DNAH7: variants seen among roughly 807,000 people sequenced by gnomAD.
The protein encoded by DNAH7 is axonemal beta dynein heavy chain 7.
In DNAH7, 397 loss-of-function variants were observed where a neutral mutation model predicts 444.6. That is an observed-to-expected ratio of 0.89 (90% confidence interval 0.82 to 0.97). The LOEUF is 0.97. Among genes scored for constraint, DNAH7 ranks in the 50% least tolerant of loss-of-function variants. DNAH7 has a pLI of 0.00. For synonymous variants in DNAH7, 1,636 were observed against 1,624.4 expected (o/e 1.01, Z -0.17); for missense variants, 4,902 against 4,800.8 (o/e 1.02, Z -0.62).
intron 21 of DNAH7, 35 bp downstream of exon 21, chr2:195,934,556 A>C: frequency 3.2e-6 from 5 of 1,585,978 alleles, no homozygotes; most frequent in Non-Finnish European, 2.6e-6. Context: ...ATATTCTAGC[A>C]TCCTTTTCTA....
intron 40 of DNAH7, among the ~76,000 whole-genome samples, chr2:195,869,904 C>T (rs1049018796): frequency 6.6e-6 from 1 of 152,174 alleles, no homozygotes; most frequent in African/African-American, 2.4e-5. Context: ...AAGTAGTAAA[C>T]CTCACTAAAT....
chr2:195,892,824 T>TTA (rs1553552187), intron 30 of DNAH7: 8 of 152,104 alleles, frequency 5.3e-5, no homozygotes, highest in Admixed American at 3.9e-4. Context: ...CATTTATTTT[T>TTA]TATATATAAA....
chr2:195,953,735 C>T (rs975370147), intron 19 of DNAH7, among the ~76,000 whole-genome samples: 54 of 152,202 alleles, frequency 3.5e-4, no homozygotes, highest in Non-Finnish European at 2.1e-4. Context: ...GCTTTGTTTA[C>T]ACTGTAAGCC....
intron 58 of DNAH7, among the ~76,000 whole-genome samples, chr2:195,781,292 T>TA: frequency 6.6e-6 from 1 of 152,298 alleles, no homozygotes; most frequent in East Asian, 1.9e-4. Context: ...GTGGATCAGC[T>TA]AGCCCCTGAG....
intron 64 of DNAH7, 80 bp downstream of exon 64, chr2:195,740,686 A>C: frequency 3.0e-6 from 1 of 337,410 alleles, no homozygotes. Flanking sequence ...TATACACACA[A>C]TATGGGGTCT....
In DNAH7 at chr2:195,875,673, A is replaced by G; in HGVS notation, c.6286+2T>C. On this transcript the variant is annotated splice_donor_variant, in intron 38 of 64. Coordinates refer to ENST00000312428, the MANE Select transcript of DNAH7 (RefSeq NM_018897.3). LOFTEE classifies it high-confidence loss of function. ...TAGTAATCACAAACTCAAAAAATGT[A>G]CCTGGAGGTCCCATAGCACACATGA... 1 of 1,556,998 alleles carries G rather than the reference A, an allele frequency of 6.4e-7. No homozygotes were observed. Among genetic ancestry groups the G allele is most frequent in the South Asian group, 1.2e-5 (1 of 82,388 alleles).
At chr2:195,992,498 G>A (rs1482952231) in intron 12 of DNAH7, among the ~76,000 whole-genome samples, 1 of 152,170 alleles carries the variant, frequency 6.6e-6, no homozygotes, top group Non-Finnish European at 1.5e-5. Flanking sequence ...ACTGGCTGGG[G>A]CTTTTGTGTT....
At position 195,810,068 on chromosome 2, in the gene DNAH7, T is replaced by C. The variant is rs575100296; in HGVS notation, c.9762-197A>G. Among the ~76,000 whole-genome samples, 15 of 152,092 alleles carry C rather than the reference T, an allele frequency of 9.9e-5. No homozygotes were observed. In the East Asian group the frequency reaches 2.9e-3, roughly 29 times the overall value. On this transcript the variant is annotated intron_variant, in intron 51 of 64. Transcript: ENST00000312428. Reference sequence around the variant, plus strand: ...ACACTTCAGTCCAATTGCATTTTACTGTGGACTGAGTTTTTTTTTTTTAAA... The same window carrying C: ...ACACTTCAGTCCAATTGCATTTTACCGTGGACTGAGTTTTTTTTTTTTAAA...
At chr2:195,931,592 T>C (rs1688701009) in intron 21 of DNAH7, among the ~76,000 whole-genome samples, 1 of 151,804 alleles carries the variant, frequency 6.6e-6, no homozygotes, top group South Asian at 2.1e-4. Context: ...CTTGAATTAA[T>C]TTTTGTATAA....
chr2:195,842,139 ATACAGGTCTGATC>A (rs1359600287), intron 47 of DNAH7, among the ~76,000 whole-genome samples: 4 of 152,064 alleles, frequency 2.6e-5, no homozygotes, highest in African/African-American at 9.7e-5. Context: ...GTTATATCAG[ATACAGGTCTGATC>A]TACTTACCAA....
intron 1 of DNAH7, among the ~76,000 whole-genome samples, chr2:196,065,133 A>G (rs1176139113): frequency 6.6e-6 from 1 of 152,122 alleles, no homozygotes; most frequent in Admixed American, 6.6e-5. Flanking sequence ...AATTATCGTA[A>G]ACAATCTTGA....
chr2:195,949,071 C>T lies in DNAH7; in HGVS notation c.3078+8190G>A, dbSNP rs552919882. On this transcript the variant is annotated intron_variant, in intron 19 of 64. Transcript: ENST00000312428. ...TTTGTAGGAATTGTGAATGGGAGTT[C>T]GCTCATGATTTGGCTGTTTGTCTAT... Among the ~76,000 whole-genome samples, 16 of 152,184 alleles carry T rather than the reference C, an allele frequency of 1.1e-4. 1 individual carries two copies. In the East Asian group the frequency reaches 2.3e-3, roughly 22 times the overall value.
intron 5 of DNAH7, among the ~76,000 whole-genome samples, chr2:196,037,259 T>G (rs1359178540): frequency 6.6e-6 from 1 of 152,118 alleles, no homozygotes; most frequent in Non-Finnish European, 1.5e-5. Flanking sequence ...TATTTTCCTA[T>G]GGAAGCTGCT....
intron 61 of DNAH7, among the ~76,000 whole-genome samples, chr2:195,761,978 TGAG>T (rs552253177): frequency 3.3e-5 from 5 of 152,236 alleles, no homozygotes; most frequent in African/African-American, 7.2e-5. Context: ...ACTCATATCT[TGAG>T]GAGAAAGACT....
At chr2:195,887,650 C>T (rs77089190) in intron 33 of DNAH7, among the ~76,000 whole-genome samples, 58 of 152,300 alleles carry the variant, frequency 3.8e-4, no homozygotes, top group Admixed American at 1.3e-3. Flanking sequence ...ACATTTGCTC[C>T]AGGGCCAAAG....
chr2:195,860,974 T>C (rs1406532049), intron 42 of DNAH7, among the ~76,000 whole-genome samples: 1 of 152,108 alleles, frequency 6.6e-6, no homozygotes, highest in Non-Finnish European at 1.5e-5. Flanking sequence ...ATACTAGACT[T>C]ATAAATTATT....
chr2:195,992,906 T>C (rs578187620), intron 12 of DNAH7, among the ~76,000 whole-genome samples: 4 of 152,186 alleles, frequency 2.6e-5, no homozygotes, highest in African/African-American at 7.2e-5. Flanking sequence ...CATTCCTTCA[T>C]AGAGGAAGGG....
chr2:195,760,571 CAGAG>C (rs140188415), intron 61 of DNAH7, among the ~76,000 whole-genome samples: 1 of 151,284 alleles, frequency 6.6e-6, no homozygotes, highest in Non-Finnish European at 1.5e-5. Flanking sequence ...AGCAGCTCAG[CAGAG>C]AGAGAGAGAG....
intron 1 of DNAH7, among the ~76,000 whole-genome samples, chr2:196,066,402 A>G (rs1200169807): frequency 1.3e-5 from 2 of 152,222 alleles, no homozygotes; most frequent in Non-Finnish European, 2.9e-5. Flanking sequence ...GGAAAATGGA[A>G]TGAGCATCAC....
Sources: gnomAD v4.1 joint callset for allele counts (sites outside exome capture counted in the v4.1 genomes callset) on GRCh38, gnomAD v4.1.1 for gene constraint, MANE v1.5 for transcripts, NCBI Gene and HGNC (gene_info 2026-07-23, HGNC 2026-07-21) for gene names.